KCNJ6: variants seen among roughly 807,000 people sequenced by gnomAD.
The protein encoded by KCNJ6 is potassium inwardly rectifying channel subfamily J member 6, also known as G protein-activated inward rectifier potassium channel 2.
KCNJ6 carries 9 observed loss-of-function variants against 34.2 expected under a neutral mutation model. That is an observed-to-expected ratio of 0.26 (90% confidence interval 0.16 to 0.46). The LOEUF is 0.46. KCNJ6 is among the 20% of genes least tolerant of loss of function. The probability of loss-of-function intolerance (pLI) is 1.00; values close to 1 mark genes in which losing one functional copy is unlikely to be tolerated. For synonymous variants in KCNJ6, 196 were observed against 207.1 expected (o/e 0.95, Z 0.46); for missense variants, 236 against 531.3 (o/e 0.44, Z 5.46).
chr21:37,685,156 A>G (rs1216484347), intron 3 of KCNJ6, among the ~76,000 whole-genome samples: 1 of 152,160 alleles, frequency 6.6e-6, no homozygotes, highest in Non-Finnish European at 1.5e-5. Flanking sequence ...ATATATTGAA[A>G]GATGCCCAAC....
At chr21:37,886,179 G>A (rs1449700944) in intron 1 of KCNJ6, among the ~76,000 whole-genome samples, 1 of 152,120 alleles carries the variant, frequency 6.6e-6, no homozygotes. Flanking sequence ...AAAAATTGGG[G>A]GTAGGGGAAA....
At position 37,811,418 on chromosome 21, in the gene KCNJ6, G is replaced by A. The variant is rs1290869985; in HGVS notation, c.25+29240C>T. ...GGAGGATGTCCAGGACTTGTGATTG[G>A]CATCAAAAGTGGGGGCAGTCTTGAG... On this transcript the variant is annotated intron_variant, in intron 2 of 3. Coordinates refer to ENST00000609713, the MANE Select transcript of KCNJ6 (RefSeq NM_002240.5). 2.0e-5 allele frequency among the ~76,000 whole-genome samples: 3 copies of A among 152,150 alleles called. No individual in the cohort carries two copies. In the East Asian group the frequency reaches 5.8e-4, roughly 29 times the overall value.
chr21:37,853,925 C>G (rs2055551531), intron 1 of KCNJ6, among the ~76,000 whole-genome samples: 1 of 141,670 alleles, frequency 7.1e-6, no homozygotes, highest in Admixed American at 7.1e-5. Flanking sequence ...ACTGAAAAAG[C>G]TAAACAAAGA....
intron 2 of KCNJ6, among the ~76,000 whole-genome samples, chr21:37,834,588 G>C (rs1391984550): frequency 6.6e-6 from 1 of 152,190 alleles, no homozygotes; most frequent in Admixed American, 6.5e-5. Context: ...TTAACACAAT[G>C]CCAGAGCTAT....
chr21:37,682,156 A>C (rs2054593455), intron 3 of KCNJ6, among the ~76,000 whole-genome samples: 1 of 152,220 alleles, frequency 6.6e-6, no homozygotes, highest in Non-Finnish European at 1.5e-5. Flanking sequence ...ATTACCACAA[A>C]CTTGGAGGCT....
chr21:37,693,910 A>G (rs1288471744), intron 3 of KCNJ6, among the ~76,000 whole-genome samples: 1 of 135,526 alleles, frequency 7.4e-6, no homozygotes, highest in Non-Finnish European at 1.6e-5. Flanking sequence ...CACTATCTTC[A>G]TTCAATTATT....
Position 37,625,140 on chromosome 21 carries a change from G to T in KCNJ6, c.*19C>A, listed in dbSNP as rs2054305119. 5 of 1,554,246 alleles carry T rather than the reference G, an allele frequency of 3.2e-6. No individual in the cohort carries two copies. The highest frequency in any genetic ancestry group is 1.4e-5 in the African/African-American group (1 of 73,660). On this transcript the variant is annotated 3_prime_UTR_variant, in exon 4 of 4. Coordinates refer to ENST00000609713, the MANE Select transcript of KCNJ6 (RefSeq NM_002240.5). ...GATTGTGTTGGGGGGAGAAGAGAAG[G>T]GTTTGCCCAGCTAGGGCACTAAACT...
At chr21:37,828,980 G>T (rs531929442) in intron 2 of KCNJ6, among the ~76,000 whole-genome samples, 11 of 152,196 alleles carry the variant, frequency 7.2e-5, no homozygotes, top group Non-Finnish European at 1.5e-4. Context: ...CTCTCTGAGG[G>T]TGCAGGGAAA....
At chr21:37,670,504 C>T (rs78791273) in intron 3 of KCNJ6, among the ~76,000 whole-genome samples, 2,737 of 152,248 alleles carry the variant, frequency 0.018, 62 homozygotes, top group East Asian at 0.062. Context: ...GTGGCTCACA[C>T]CTGTAATCTC....
At chr21:37,826,840 G>C (rs1178312353) in intron 2 of KCNJ6, among the ~76,000 whole-genome samples, 2 of 152,082 alleles carry the variant, frequency 1.3e-5, no homozygotes, top group Non-Finnish European at 2.9e-5. Context: ...ACAGGGTGGG[G>C]AACACACACA....
intron 3 of KCNJ6, among the ~76,000 whole-genome samples, chr21:37,712,975 G>C (rs2054770249): frequency 6.6e-6 from 1 of 151,984 alleles, no homozygotes; most frequent in Non-Finnish European, 1.5e-5. Flanking sequence ...CTATGGAAAG[G>C]AGACCGCTCC....
At position 37,622,968 on chromosome 21, in the gene KCNJ6, T is replaced by A. The variant is rs2054294942; in HGVS notation, c.*2191A>T. The A allele has an allele frequency of 6.6e-6, 1 of 152,232 alleles. No homozygotes were observed. Among genetic ancestry groups the A allele is most frequent in the African/African-American group, 2.4e-5 (1 of 41,464 alleles). 9.4% of individuals were successfully genotyped at this position (152,232 alleles called of 1,614,324 possible). A position where few individuals can be genotyped will look rare whatever the true frequency, so the allele number is the denominator to read the frequency against. On this transcript the variant is annotated 3_prime_UTR_variant, in exon 4 of 4. Coordinates refer to ENST00000609713, the MANE Select transcript of KCNJ6 (RefSeq NM_002240.5). ...CTCCCCAAGCCAAGAGTGCCCTTCA[T>A]TAGGCTGCAGAGAGGTCAAGCCATG...
At chr21:37,825,505 C>T (rs193268981) in intron 2 of KCNJ6, among the ~76,000 whole-genome samples, 18 of 152,326 alleles carry the variant, frequency 1.2e-4, no homozygotes, top group Non-Finnish European at 1.9e-4. Flanking sequence ...ATACCTCACT[C>T]GATCCAACCC....
chr21:37,805,721 G>C lies in KCNJ6; in HGVS notation c.25+34937C>G, dbSNP rs956885793. Among the ~76,000 whole-genome samples, 4 of 152,288 alleles carry C rather than the reference G, an allele frequency of 2.6e-5. No homozygotes were observed. The South Asian group carries it at 8.3e-4, about 32-fold the overall frequency. ...ATGACTGGTGTACTTATGAGAAGAG[G>C]TAAATTTGGACACAGAGAAAGGCAC... On this transcript the variant is annotated intron_variant, in intron 2 of 3. Coordinates refer to ENST00000609713, the MANE Select transcript of KCNJ6 (RefSeq NM_002240.5).
In KCNJ6 at chr21:37,622,870, T is replaced by C. The variant is rs918939323; in HGVS notation, c.*2289A>G. The stretch of plus-strand genomic sequence containing the variant: ...TTCAAGAGCTAAATTAGAAGACATT[T>C]TGCCGCCCCTATTCCATCTTGTTTT... On this transcript the variant is annotated 3_prime_UTR_variant, in exon 4 of 4. Coordinates refer to ENST00000609713, the MANE Select transcript of KCNJ6 (RefSeq NM_002240.5). 1 of 152,196 alleles carries C rather than the reference T, an allele frequency of 6.6e-6. No homozygotes were observed. The highest frequency in any genetic ancestry group is 2.1e-4 in the South Asian group (1 of 4,820). The allele number at this position is 152,196 out of a possible 1,614,324, so 9.4% of individuals were successfully genotyped here.
At chr21:37,646,590 G>C (rs1363364398) in intron 3 of KCNJ6, among the ~76,000 whole-genome samples, 2 of 152,230 alleles carry the variant, frequency 1.3e-5, no homozygotes, top group African/African-American at 4.8e-5. Context: ...TGTGCCGGGC[G>C]ATGTTCAGCA....
At position 37,883,278 on chromosome 21, in the gene KCNJ6, T is replaced by C. The variant is rs117366683; in HGVS notation, c.-28+32606A>G. 4.9e-3 allele frequency among the ~76,000 whole-genome samples: 740 copies of C among 152,344 alleles called. 17 individuals are homozygous for C. The highest frequency in any genetic ancestry group is 4.7e-3 in the Non-Finnish European group (318 of 68,030). On this transcript the variant is annotated intron_variant, in intron 1 of 3. Coordinates refer to ENST00000609713, the MANE Select transcript of KCNJ6 (RefSeq NM_002240.5). ...AGTATTTTACTCTTTGCAAGTCCCA[T>C]GTAGTCTCTGTAATAGTTTTATTTT...
intron 1 of KCNJ6, among the ~76,000 whole-genome samples, chr21:37,893,934 C>T (rs553920899): frequency 1.7e-3 from 258 of 152,268 alleles, no homozygotes; most frequent in African/African-American, 5.9e-3. Context: ...TCAATTCTGG[C>T]CTCTTCCTTT....
At position 37,675,319 on chromosome 21, in the gene KCNJ6, A is replaced by C. The variant is rs543246345; in HGVS notation, c.946+38892T>G. On this transcript the variant is annotated intron_variant, in intron 3 of 3. Coordinates refer to ENST00000609713, the MANE Select transcript of KCNJ6 (RefSeq NM_002240.5). The surrounding 1 kb of genome is among the most constrained non-coding windows in gnomAD (Gnocchi z 4.2). Reference sequence around the variant, plus strand: ...TGAGACCTCAGAGAGGAAGGAATCAAGTTGGCGGGGATTTTTCCGCGAGTG... The same window carrying C: ...TGAGACCTCAGAGAGGAAGGAATCACGTTGGCGGGGATTTTTCCGCGAGTG... Among the ~76,000 whole-genome samples, 12 of 152,354 alleles carry C rather than the reference A, an allele frequency of 7.9e-5. No individual in the cohort carries two copies. The East Asian group carries it at 2.3e-3, about 29-fold the overall frequency.
Sources: allele counts gnomAD v4.1 joint callset (sites outside exome capture counted in the v4.1 genomes callset), GRCh38; gene constraint gnomAD v4.1.1; non-coding constraint Gnocchi (gnomAD v3.1); transcripts MANE v1.5; gene names NCBI Gene and HGNC (gene_info 2026-07-23, HGNC 2026-07-21).